PRR16: variants seen among roughly 807,000 people sequenced by gnomAD.
PRR16 encodes proline rich 16.
In PRR16, 6 loss-of-function variants were observed where a neutral mutation model predicts 18.2. The observed-to-expected ratio is 0.33, with a 90% CI of 0.18 to 0.65. The LOEUF (loss-of-function observed/expected upper bound fraction) is 0.65. PRR16 is among the 30% of genes least tolerant of loss of function. The probability of loss-of-function intolerance (pLI) is 0.74; values close to 1 mark genes in which losing one functional copy is unlikely to be tolerated. For synonymous variants in PRR16, 151 were observed against 147.8 expected, an observed-to-expected ratio of 1.02 and a Z score of -0.16; for missense variants, 412 against 376.6, an observed-to-expected ratio of 1.09 and a Z score of -0.78.
At chr5:120,547,925 C>G (rs1752123698) in intron 1 of PRR16, among the ~76,000 whole-genome samples, 1 of 151,854 alleles carries the variant, frequency 6.6e-6, no homozygotes, top group Non-Finnish European at 1.5e-5. Context: ...TAGAAGTTTA[C>G]TTTAGCAATA....
the PRR16 span, among the ~76,000 whole-genome samples, chr5:120,793,224 T>C: frequency 1.3e-5 from 2 of 152,184 alleles, no homozygotes; most frequent in Non-Finnish European, 2.9e-5. Context: ...GGGACCACCA[T>C]TGTATAATAT....
chr5:120,762,977 C>A, the PRR16 span, among the ~76,000 whole-genome samples: 1 of 152,070 alleles, frequency 6.6e-6, no homozygotes, highest in Admixed American at 6.6e-5. Flanking sequence ...TGTCATTTTT[C>A]TGCATATGAA....
At chr5:120,773,736 G>T in the PRR16 span, among the ~76,000 whole-genome samples, 1 of 151,994 alleles carries the variant, frequency 6.6e-6, no homozygotes, top group Non-Finnish European at 1.5e-5. Flanking sequence ...AAAGATGGGG[G>T]ATATTATTAG....
intron 1 of PRR16, among the ~76,000 whole-genome samples, chr5:120,672,364 G>A (rs1351045007): frequency 1.3e-5 from 2 of 150,486 alleles, no homozygotes; most frequent in Non-Finnish European, 2.9e-5. Context: ...CATCTTCTAA[G>A]CACTAAGAGA....
chr5:120,734,626 T>C, the PRR16 span, among the ~76,000 whole-genome samples: 1 of 152,162 alleles, frequency 6.6e-6, no homozygotes, highest in Admixed American at 6.5e-5. Flanking sequence ...CAAAATGCTT[T>C]TTACATTTTT....
intron 1 of PRR16, among the ~76,000 whole-genome samples, chr5:120,621,758 C>G (rs1561578368): frequency 1.3e-5 from 2 of 152,170 alleles, no homozygotes; most frequent in Middle Eastern, 3.4e-3. Context: ...AAAGAAGGTG[C>G]CTTGCTTCCC....
In PRR16 at chr5:120,464,328, C is replaced by A; in HGVS notation, c.-159C>A. 5.5e-6 allele frequency: 4 copies of A among 732,304 alleles called. No individual in the cohort carries two copies. The highest frequency in any genetic ancestry group is 7.9e-6 in the Non-Finnish European group (4 of 507,928). The allele number at this position is 732,304 out of a possible 1,614,324, so 45.4% of individuals were successfully genotyped here. A position where few individuals can be genotyped will look rare whatever the true frequency, so the allele number is the denominator to read the frequency against. On this transcript the variant is annotated 5_prime_UTR_variant, in exon 1 of 2. Coordinates refer to ENST00000407149, the MANE Select transcript of PRR16 (RefSeq NM_001300783.2). ...TGATGGCAGCACCACTGTGCGGCCGCCCGGCCGAGCGCGGAGCGCAGCCAC... is the reference window on the plus strand; with the variant it reads ...TGATGGCAGCACCACTGTGCGGCCGACCGGCCGAGCGCGGAGCGCAGCCAC...
chr5:120,645,559 T>C (rs1289634891), intron 1 of PRR16, among the ~76,000 whole-genome samples: 1 of 152,102 alleles, frequency 6.6e-6, no homozygotes, highest in Admixed American at 6.6e-5. Flanking sequence ...TTTCAGAGTG[T>C]TTATAATCTG....
chr5:120,503,213 G>A (rs1750525431), intron 1 of PRR16, among the ~76,000 whole-genome samples: 1 of 151,962 alleles, frequency 6.6e-6, no homozygotes, highest in Admixed American at 6.6e-5. Flanking sequence ...TCAGACTCTA[G>A]GGCCTAAATT....
At chr5:120,769,107 C>A in the PRR16 span, among the ~76,000 whole-genome samples, 4 of 150,276 alleles carry the variant, frequency 2.7e-5, no homozygotes, top group African/African-American at 7.3e-5. Flanking sequence ...TTTTGAGGTT[C>A]ATACACCTAT....
the PRR16 span, among the ~76,000 whole-genome samples, chr5:120,707,000 A>T: frequency 1.5e-3 from 229 of 152,346 alleles, 1 homozygote; most frequent in African/African-American, 5.1e-3. Context: ...TACATTTCAA[A>T]GGAATGGTTC....
chr5:120,653,171 C>T (rs928559463), intron 1 of PRR16, among the ~76,000 whole-genome samples: 2 of 151,654 alleles, frequency 1.3e-5, no homozygotes, highest in Non-Finnish European at 2.9e-5. Flanking sequence ...AAGGTGTTTT[C>T]TGGGAGGGCC....
rs574787530 is a variant in PRR16, at chr5:120,664,173, C to T, written c.160-21781C>T. ...AATTAGCTGGGTATGGTGGCAGATG[C>T]GTGTAATCCCAGCTACTCAGAATGC... is the stretch of plus-strand genomic sequence containing the variant. On this transcript the variant is annotated intron_variant, in intron 1 of 1. Transcript: ENST00000407149. 3.9e-5 allele frequency among the ~76,000 whole-genome samples: 6 copies of T among 152,096 alleles called. No individual in the cohort carries two copies. The East Asian group carries it at 7.8e-4, about 20-fold the overall frequency.
chr5:120,766,008 A>G, the PRR16 span, among the ~76,000 whole-genome samples: 14 of 152,114 alleles, frequency 9.2e-5, no homozygotes, highest in African/African-American at 3.4e-4. Flanking sequence ...TCCAGTGTTT[A>G]TAGGTATAGT....
At chr5:120,604,299 T>C (rs1301101844) in intron 1 of PRR16, among the ~76,000 whole-genome samples, 4 of 152,112 alleles carry the variant, frequency 2.6e-5, no homozygotes, top group African/African-American at 9.7e-5. Flanking sequence ...CCTTTATTAT[T>C]ATGTAATATC....
chr5:120,625,373 A>C (rs1006089122), intron 1 of PRR16, among the ~76,000 whole-genome samples: 1 of 152,136 alleles, frequency 6.6e-6, no homozygotes, highest in Non-Finnish European at 1.5e-5. Context: ...TGTGTTGCCC[A>C]GGCTGGAGTT....
intron 1 of PRR16, among the ~76,000 whole-genome samples, chr5:120,615,961 T>A (rs1405100570): frequency 6.6e-6 from 1 of 152,180 alleles, no homozygotes; most frequent in Non-Finnish European, 1.5e-5. Context: ...ATTTTGCTTT[T>A]CTTTACTAAA....
chr5:120,620,662 A>C (rs12054672), intron 1 of PRR16, among the ~76,000 whole-genome samples: 67,815 of 151,736 alleles, frequency 0.45, 15,939 homozygotes, highest in East Asian at 0.83. Context: ...GCCACCTCTC[A>C]TTAGTGTGTT....
intron 1 of PRR16, among the ~76,000 whole-genome samples, chr5:120,620,760 T>A (rs577184445): frequency 1.3e-5 from 2 of 152,170 alleles, no homozygotes; most frequent in East Asian, 3.9e-4. Context: ...TTACTCCCCC[T>A]CCACCTGTTT....
Sources: gnomAD v4.1 joint callset for allele counts (sites outside exome capture counted in the v4.1 genomes callset) on GRCh38, gnomAD v4.1.1 for gene constraint, MANE v1.5 for transcripts, NCBI Gene and HGNC (gene_info 2026-07-23, HGNC 2026-07-21) for gene names.